NUDC: variants seen among roughly 807,000 people sequenced by gnomAD.
NUDC encodes the protein nuclear migration protein nudC.
In NUDC, 14 loss-of-function variants were observed where a neutral mutation model predicts 45.0. That is an observed-to-expected ratio of 0.31 (90% confidence interval 0.21 to 0.49). The LOEUF is 0.49. NUDC is among the 20% of genes least tolerant of loss of function. The probability of loss-of-function intolerance (pLI) is 0.99; values close to 1 mark genes in which losing one functional copy is unlikely to be tolerated. For missense variants in NUDC, 323 were observed against 426.2 expected, an observed-to-expected ratio of 0.76 and a Z score of 2.13; for synonymous variants, 153 against 156.7, an observed-to-expected ratio of 0.98 and a Z score of 0.17.
rs1268879674 is a variant in NUDC at position 26,900,465 on chromosome 1, T to C, written c.-101+65T>C. The C allele has an allele frequency of 5.7e-6, 9 of 1,587,486 alleles. 1 individual carries two copies. The highest frequency in any genetic ancestry group is 7.7e-6 in the Non-Finnish European group (9 of 1,162,624). On this transcript the variant is annotated intron_variant, in intron 1 of 6. Coordinates refer to the NUDC transcript ENST00000435827. ...CATCTTGGATTGTCACATGATCAGC[T>C]AGAACCAAGTCTCGCGAGAACACCG...
intron 8 of NUDC, 107 bp downstream of exon 8, chr1:26,945,793 C>G (rs2082313296): frequency 1.2e-6 from 1 of 868,212 alleles, no homozygotes; most frequent in African/African-American, 1.6e-5. Flanking sequence ...TGCCCTGCCC[C>G]CTTTCCAGCC....
intron 2 of NUDC, among the ~76,000 whole-genome samples, chr1:26,926,849 T>C (rs746375733): frequency 1.3e-5 from 2 of 152,316 alleles, no homozygotes; most frequent in South Asian, 4.1e-4. Context: ...TCCCCCAGCC[T>C]CAGCCTCCCA....
At chr1:26,945,841 G>A (rs1401199505) in intron 8 of NUDC, among the ~76,000 whole-genome samples, 155 bp downstream of exon 8, 1 of 152,092 alleles carries the variant, frequency 6.6e-6, no homozygotes, top group African/African-American at 2.4e-5. Context: ...GCCTACTCTT[G>A]TCATTTGCTG....
chr1:26,922,960 C>CT, intron 1 of NUDC, among the ~76,000 whole-genome samples: 1 of 152,318 alleles, frequency 6.6e-6, no homozygotes, highest in East Asian at 1.9e-4. Flanking sequence ...AATTGAAAAA[C>CT]TGTCTAGAAG....
upstream of NUDC, among the ~76,000 whole-genome samples, chr1:26,917,359 C>T (rs772874837): frequency 2.6e-5 from 4 of 152,058 alleles, no homozygotes; most frequent in Non-Finnish European, 4.4e-5. Context: ...GTCAGGAGTT[C>T]GAGACCAGCC....
At chr1:26,936,941 A>G (rs1265094837) in intron 2 of NUDC, among the ~76,000 whole-genome samples, 2 of 152,178 alleles carry the variant, frequency 1.3e-5, no homozygotes, top group African/African-American at 4.8e-5. Flanking sequence ...TTAAGGACTC[A>G]GTCCCATAAG....
chr1:26,943,210 C>G, intron 6 of NUDC, 145 bp downstream of exon 6: 1 of 913,464 alleles, frequency 1.1e-6, no homozygotes. Flanking sequence ...AGATCTGTCT[C>G]TATTTTATTT....
chr1:26,922,210 CT>C, intron 1 of NUDC: 2 of 532,260 alleles, frequency 3.8e-6, no homozygotes, highest in Non-Finnish European at 3.4e-6. Flanking sequence ...CCCGTTTCCA[CT>C]TTGATGGCGG....
rs955880328 is a variant in NUDC, at chr1:26,913,490, A to G, written c.93+2255A>G. The G allele has an allele frequency of 5.0e-6, 8 of 1,613,742 alleles. No homozygotes were observed. The Admixed American group carries it at 5.0e-5, about 10-fold the overall frequency. ...AGGCTCCAGAAGGACTCCAGACAGC[A>G]TTGAAGCCACTGCACCGCAGCCAGG... On this transcript the variant is annotated intron_variant, in intron 3 of 6. Transcript: ENST00000435827.
upstream of NUDC, among the ~76,000 whole-genome samples, chr1:26,918,755 T>C (rs985173831): frequency 2.6e-5 from 4 of 151,694 alleles, no homozygotes; most frequent in Non-Finnish European, 5.9e-5. Flanking sequence ...TTTGTATTTT[T>C]AGTAGAGATG....
At chr1:26,938,925 T>C (rs946683472) in intron 2 of NUDC, among the ~76,000 whole-genome samples, 3 of 152,176 alleles carry the variant, frequency 2.0e-5, no homozygotes, top group Non-Finnish European at 4.4e-5. Flanking sequence ...TGACTGGTCA[T>C]GGAGGATGAA....
intron 3 of NUDC, among the ~76,000 whole-genome samples, chr1:26,914,304 G>T (rs2082049257): frequency 6.6e-6 from 1 of 152,226 alleles, no homozygotes; most frequent in South Asian, 2.1e-4. Flanking sequence ...CAATCAGCAG[G>T]TGTCCCCATT....
At chr1:26,924,456 G>C (rs1280553060) in intron 2 of NUDC, among the ~76,000 whole-genome samples, 8 of 152,186 alleles carry the variant, frequency 5.3e-5, no homozygotes, top group African/African-American at 1.7e-4. Flanking sequence ...GTCTTGAGCT[G>C]AGCTGTGGGA....
intron 2 of NUDC, among the ~76,000 whole-genome samples, chr1:26,905,570 G>A (rs1403212279): frequency 1.3e-5 from 2 of 152,198 alleles, no homozygotes; most frequent in Non-Finnish European, 2.9e-5. Context: ...TGAGGTGGAA[G>A]TGTAAAACTA....
At position 26,946,544 on chromosome 1, in the gene NUDC, ATTAC is replaced by A. The variant is rs1214178498; in HGVS notation, c.*367_*370del. 2.9e-6 allele frequency: 1 copy of A among 344,092 alleles called. No individual in the cohort carries two copies. The highest frequency in any genetic ancestry group is 5.6e-6 in the Non-Finnish European group (1 of 178,408). The allele number at this position is 344,092 out of a possible 1,614,324, so 21.3% of individuals were successfully genotyped here. ...GCCCCTCTCTGGGCCTCAGTTTCTC[ATTAC>A]TTAAAGATTAAAACAAGGCTTGGCC... On this transcript the variant is annotated 3_prime_UTR_variant, in exon 9 of 9. Coordinates refer to ENST00000321265, the MANE Select transcript of NUDC (RefSeq NM_006600.4).
In NUDC at chr1:26,913,465, A is replaced by G. The variant is rs2082040429; in HGVS notation, c.93+2230A>G. ...GGCATATTCCTTGGGGCTAAGCTCC[A>G]GGCTCCAGAAGGACTCCAGACAGCA... On this transcript the variant is annotated intron_variant, in intron 3 of 6. Coordinates refer to the NUDC transcript ENST00000435827. 20 of 1,614,106 alleles carry G rather than the reference A, an allele frequency of 1.2e-5. No individual in the cohort carries two copies. The highest frequency in any genetic ancestry group is 1.7e-5 in the Non-Finnish European group (20 of 1,180,000).
At chr1:26,908,840 C>G (rs1203144211) in intron 2 of NUDC, among the ~76,000 whole-genome samples, 1 of 152,046 alleles carries the variant, frequency 6.6e-6, no homozygotes, top group Non-Finnish European at 1.5e-5. Flanking sequence ...CACCTGGGTT[C>G]AAGTGATTTT....
upstream of NUDC, among the ~76,000 whole-genome samples, chr1:26,920,305 C>G (rs1358837471): frequency 6.6e-6 from 1 of 151,980 alleles, no homozygotes; most frequent in Non-Finnish European, 1.5e-5. Flanking sequence ...GCCTGGCCAA[C>G]ATGGTGAAAA....
rs1228876574 is a variant in NUDC, at chr1:26,946,283, G to A, written c.*102G>A. 6 of 1,030,084 alleles carry A rather than the reference G, an allele frequency of 5.8e-6. No homozygotes were observed. Among genetic ancestry groups the A allele is most frequent in the Middle Eastern group, 3.0e-4 (1 of 3,302 alleles). The allele number at this position is 1,030,084 out of a possible 1,614,324, so 63.8% of individuals were successfully genotyped here. On this transcript the variant is annotated 3_prime_UTR_variant, in exon 9 of 9. Coordinates refer to ENST00000321265, the MANE Select transcript of NUDC (RefSeq NM_006600.4). ...TTGTGGGCCTCAGGGCTTGGGGCAGGCATGGGACTGGCCCAGGCACACAGG... is the reference window on the plus strand; with the variant it reads ...TTGTGGGCCTCAGGGCTTGGGGCAGACATGGGACTGGCCCAGGCACACAGG...
Sources: allele counts gnomAD v4.1 joint callset (sites outside exome capture counted in the v4.1 genomes callset), GRCh38; gene constraint gnomAD v4.1.1; transcripts MANE v1.5; gene names NCBI Gene and HGNC (gene_info 2026-07-23, HGNC 2026-07-21).